Variants in ADAMTSL1 observed in about 807,000 individuals in gnomAD.
ADAMTSL1 encodes ADAMTS like 1, also known as ADAMTS-like protein 1.
ADAMTSL1 carries 126 observed loss-of-function variants against 201.8 expected under a neutral mutation model. The observed-to-expected ratio is 0.62, with a 90% confidence interval of 0.54 to 0.72. The LOEUF (loss-of-function observed/expected upper bound fraction) is 0.72. Ranked by LOEUF, ADAMTSL1 falls within the 30% of genes least tolerant of loss-of-function variation. ADAMTSL1 has a pLI of 0.00. For missense variants in ADAMTSL1, 2,679 were observed against 2,277.8 expected (o/e 1.18, Z -3.59); for synonymous variants, 1,121 against 903.4 (o/e 1.24, Z -4.32).
chr9:18,594,049 A>C (rs1370986295), intron 4 of ADAMTSL1, among the ~76,000 whole-genome samples: 1 of 150,808 alleles, frequency 6.6e-6, no homozygotes, highest in African/African-American at 2.4e-5. Context: ...TGTTGTTTTG[A>C]GTTTTGAGGG....
intron 2 of ADAMTSL1, among the ~76,000 whole-genome samples, chr9:18,527,978 A>C (rs1196096544): frequency 6.6e-6 from 1 of 152,084 alleles, no homozygotes; most frequent in Non-Finnish European, 1.5e-5. Flanking sequence ...CCTGGGTTCC[A>C]GTGATTCTCC....
At chr9:18,410,065 A>G (rs866024906) in intron 2 of ADAMTSL1, among the ~76,000 whole-genome samples, 1 of 151,912 alleles carries the variant, frequency 6.6e-6, no homozygotes, top group Non-Finnish European at 1.5e-5. Flanking sequence ...ACTTTTGTAG[A>G]TACCCTTTAT....
chr9:18,407,556 G>A (rs1160178430), intron 2 of ADAMTSL1, among the ~76,000 whole-genome samples: 1 of 152,152 alleles, frequency 6.6e-6, no homozygotes, highest in Non-Finnish European at 1.5e-5. Flanking sequence ...CCAGGGTAAA[G>A]CAATGTTTTG....
intron 23 of ADAMTSL1, among the ~76,000 whole-genome samples, chr9:18,871,698 T>C (rs887540374): frequency 1.3e-5 from 2 of 152,224 alleles, no homozygotes; most frequent in African/African-American, 4.8e-5. Flanking sequence ...TTTCTGTTCA[T>C]GGTCTCACTC....
intron 5 of ADAMTSL1, among the ~76,000 whole-genome samples, chr9:18,626,188 C>G (rs1466306750): frequency 6.6e-6 from 1 of 152,142 alleles, no homozygotes; most frequent in African/African-American, 2.4e-5. Context: ...AGGAACTGTT[C>G]TAGGTGCTGG....
At chr9:18,571,078 T>C (rs1007379964) in intron 3 of ADAMTSL1, among the ~76,000 whole-genome samples, 1 of 152,196 alleles carries the variant, frequency 6.6e-6, no homozygotes, top group East Asian at 1.9e-4. Context: ...TTAGGTCCTA[T>C]TTTTCTTAGG....
At chr9:18,731,046 A>G (rs975938989) in intron 15 of ADAMTSL1, among the ~76,000 whole-genome samples, 8 of 152,212 alleles carry the variant, frequency 5.3e-5, no homozygotes, top group Non-Finnish European at 1.2e-4. Context: ...GCTGATGGTC[A>G]TCTCAGCATG....
chr9:17,943,912 A>G (rs1305151967), intron 1 of ADAMTSL1, among the ~76,000 whole-genome samples: 3 of 152,068 alleles, frequency 2.0e-5, no homozygotes, highest in African/African-American at 7.2e-5. Context: ...GTGAACAGGC[A>G]CATTACATGG....
chr9:18,541,292 C>A lies in ADAMTSL1; in HGVS notation c.237+8000C>A, dbSNP rs576525246. Among the ~76,000 whole-genome samples the A allele has an allele frequency of 9.6e-4, 146 of 152,214 alleles. 2 individuals are homozygous for A. Among genetic ancestry groups the A allele is most frequent in the Middle Eastern group, 6.8e-3 (2 of 294 alleles). On this transcript the variant is annotated intron_variant, in intron 3 of 28. Coordinates refer to ENST00000380548, the MANE Select transcript of ADAMTSL1 (RefSeq NM_001040272.6). ...TTGGGAGGCCGAGGCAGGCAGATCA[C>A]CTGAGGTCAGGAGTTAAGACCAGCC...
At chr9:18,209,883 G>C (rs1232547977) in intron 2 of ADAMTSL1, among the ~76,000 whole-genome samples, 4 of 152,062 alleles carry the variant, frequency 2.6e-5, no homozygotes, top group Admixed American at 2.0e-4. Context: ...ACTGTTCTCT[G>C]GATCTACCTG....
At chr9:18,033,125 A>G (rs948384756) in intron 1 of ADAMTSL1, among the ~76,000 whole-genome samples, 2 of 152,180 alleles carry the variant, frequency 1.3e-5, no homozygotes, top group Non-Finnish European at 2.9e-5. Flanking sequence ...TTCTGACCTC[A>G]TAGCGTGTGA....
intron 2 of ADAMTSL1, among the ~76,000 whole-genome samples, chr9:18,290,602 C>G (rs900968906): frequency 1.3e-5 from 2 of 151,612 alleles, no homozygotes; most frequent in Non-Finnish European, 2.9e-5. Context: ...TTCCCCCAAA[C>G]CAACATCCAT....
At chr9:18,876,932 G>A (rs979682475) in intron 23 of ADAMTSL1, among the ~76,000 whole-genome samples, 1 of 152,126 alleles carries the variant, frequency 6.6e-6, no homozygotes, top group Admixed American at 6.5e-5. Flanking sequence ...CTTCTTGAAG[G>A]CTTTGTTCAT....
chr9:18,783,704 G>T (rs1331492232), intron 19 of ADAMTSL1, among the ~76,000 whole-genome samples: 2 of 152,206 alleles, frequency 1.3e-5, no homozygotes, highest in Non-Finnish European at 2.9e-5. Flanking sequence ...ATAAGTGGTA[G>T]AGCTGGGATT....
rs1237561073 is a variant in ADAMTSL1, at chr9:18,776,926, C to G, written c.2697C>G (p.Cys899Trp). 1 of 1,604,670 alleles carries G rather than the reference C, an allele frequency of 6.2e-7. No individual in the cohort carries two copies. Among genetic ancestry groups the G allele is most frequent in the Non-Finnish European group, 8.5e-7 (1 of 1,176,022 alleles). ...LLPKTAVVLR[C>W]PARRVRKPLI... The stretch of plus-strand genomic sequence containing the variant: ...CCAAGACGGCGGTGGTGCTGCGCTG[C>G]CCGGCGCGCAGGGTCCGCAAGCCCC... The change falls in exon 19 of 29, where the codon TGC becomes TGG. Residue 899 changes from cysteine (C) to tryptophan (W), a missense_variant. Physicochemically the swap from Cys to Trp is radical, Grantham distance 215. Coordinates refer to ENST00000380548, the MANE Select transcript of ADAMTSL1 (RefSeq NM_001040272.6).
intron 2 of ADAMTSL1, among the ~76,000 whole-genome samples, chr9:18,354,164 G>T (rs951809172): frequency 6.6e-6 from 1 of 150,562 alleles, no homozygotes; most frequent in African/African-American, 2.4e-5. Flanking sequence ...TCTGTCTCTG[G>T]TGTAAATACA....
intron 7 of ADAMTSL1, among the ~76,000 whole-genome samples, chr9:18,643,795 T>G (rs1397294350): frequency 2.0e-5 from 3 of 152,072 alleles, no homozygotes; most frequent in Non-Finnish European, 4.4e-5. Flanking sequence ...TTCAGTAGAT[T>G]TTGAAATCAG....
At chr9:18,264,125 T>C (rs371537995) in intron 2 of ADAMTSL1, among the ~76,000 whole-genome samples, 4 of 152,314 alleles carry the variant, frequency 2.6e-5, no homozygotes, top group African/African-American at 9.6e-5. Context: ...ATCTAGATTC[T>C]CTAGAATTTT....
chr9:18,480,348 A>ATG (rs981573088), intron 1 of ADAMTSL1, among the ~76,000 whole-genome samples: 5 of 152,182 alleles, frequency 3.3e-5, no homozygotes, highest in African/African-American at 1.2e-4. Context: ...CCCTCAGCCT[A>ATG]TGTGATCCTC....
Sources: gnomAD v4.1 joint callset for allele counts (sites outside exome capture counted in the v4.1 genomes callset) on GRCh38, gnomAD v4.1.1 for gene constraint, MANE v1.5 for transcripts, NCBI Gene and HGNC (gene_info 2026-07-23, HGNC 2026-07-21) for gene names.